The following MDFIC variants were observed in gnomAD, a reference collection of about 807,000 sequenced individuals.
MDFIC encodes MyoD family inhibitor domain containing.
MDFIC carries 17 observed loss-of-function variants against 23.2 expected under a neutral mutation model. The observed-to-expected ratio is 0.73, with a 90% CI of 0.50 to 1.10. The LOEUF is 1.10. Ranked by LOEUF, MDFIC falls within the 50% of genes least tolerant of loss-of-function variation. MDFIC has a pLI of 0.00. For missense variants in MDFIC, 356 were observed against 316.6 expected, an observed-to-expected ratio of 1.12 and a Z score of -0.95; for synonymous variants, 120 against 115.2, an observed-to-expected ratio of 1.04 and a Z score of -0.27.
At chr7:114,982,363 G>A (rs751459930) in intron 4 of MDFIC, among the ~76,000 whole-genome samples, 19 of 152,110 alleles carry the variant, frequency 1.2e-4, no homozygotes, top group Non-Finnish European at 2.8e-4. Flanking sequence ...GTGGCTAGGT[G>A]TCTTAGTCTA....
chr7:115,014,612 T>A, intron 4 of MDFIC: 3 of 1,045,778 alleles, frequency 2.9e-6, no homozygotes, highest in Non-Finnish European at 2.4e-6. Flanking sequence ...TTATACAAAG[T>A]ACAAAAACAA....
rs1236274710 is a variant in MDFIC, at chr7:115,019,122, A to C, written c.*3187A>C. On this transcript the variant is annotated 3_prime_UTR_variant, in exon 5 of 5. Coordinates refer to ENST00000393486, the MANE Select transcript of MDFIC (RefSeq NM_001166345.3). ...ACAATATATGCTGAGATTAAAAACC[A>C]AGGTAAAAATGATCAAACATATATG... 6.6e-6 allele frequency: 1 copy of C among 151,978 alleles called. No individual in the cohort carries two copies. Among genetic ancestry groups the C allele is most frequent in the East Asian group, 1.9e-4 (1 of 5,198 alleles). 9.4% of individuals were successfully genotyped at this position (151,978 alleles called of 1,614,324 possible).
chr7:114,958,786 A>G (rs1348587468), intron 3 of MDFIC, among the ~76,000 whole-genome samples: 1 of 152,130 alleles, frequency 6.6e-6, no homozygotes. Flanking sequence ...TAACAAACAA[A>G]CAAACAAACA....
intron 3 of MDFIC, among the ~76,000 whole-genome samples, chr7:114,969,973 G>A (rs1313229579): frequency 1.3e-5 from 2 of 152,148 alleles, no homozygotes; most frequent in Non-Finnish European, 2.9e-5. Context: ...AAACACCTCT[G>A]GATAGGCAGA....
chr7:114,986,032 GTT>G (rs11314179), intron 4 of MDFIC, among the ~76,000 whole-genome samples: 10,583 of 138,350 alleles, frequency 0.076, 367 homozygotes, highest in South Asian at 0.15. Flanking sequence ...TACCTTTGCA[GTT>G]TTTTTTTTTT....
chr7:114,938,972 C>T (rs542057528), intron 2 of MDFIC, among the ~76,000 whole-genome samples: 5 of 152,260 alleles, frequency 3.3e-5, no homozygotes, highest in African/African-American at 1.2e-4. Flanking sequence ...GTGGCTGACT[C>T]AACCAATTGA....
intron 3 of MDFIC, among the ~76,000 whole-genome samples, chr7:114,945,911 G>A (rs1439566779): frequency 1.3e-5 from 2 of 151,972 alleles, no homozygotes; most frequent in Non-Finnish European, 2.9e-5. Flanking sequence ...ATTTCTGAAA[G>A]GTGGCTTAAA....
chr7:114,942,316 G>A lies in MDFIC; in HGVS notation c.136G>A (p.Ala46Thr). The A allele has an allele frequency of 2.5e-6, 4 of 1,587,656 alleles. No individual in the cohort carries two copies. Among genetic ancestry groups the A allele is most frequent in the African/African-American group, 1.3e-5 (1 of 74,362 alleles). ...CAATACTGAGAAAGATATAACTCAA[G>A]CTACCAATAGCCACTTCACACATGG... ...KDNTEKDITQ[A>T]TNSHFTHGEM... The change falls in exon 3 of 5, where the codon GCT (alanine) becomes ACT (threonine). Residue 46 changes from alanine to threonine, a missense_variant. Ala to Thr is a moderately conservative substitution (Grantham distance 58, BLOSUM62 0). Transcript: ENST00000393486.
intron 3 of MDFIC, among the ~76,000 whole-genome samples, chr7:114,969,497 C>A (rs1454991637): frequency 3.9e-5 from 6 of 152,108 alleles, no homozygotes; most frequent in African/African-American, 1.4e-4. Flanking sequence ...ATATAATAAT[C>A]AAGGCAAGTC....
At position 114,922,344 on chromosome 7, in the gene MDFIC, G is replaced by A; in HGVS notation, c.-400G>A. On this transcript the variant is annotated 5_prime_UTR_variant, in exon 1 of 5. Coordinates refer to ENST00000393486, the MANE Select transcript of MDFIC (RefSeq NM_001166345.3). ...GATTGTAGGAGTGGAAGAGGGGAAA[G>A]AGAGGCAGAGAGGGGGAAGGCCCCC... 1 of 1,138,144 alleles carries A rather than the reference G, an allele frequency of 8.8e-7. No homozygotes were observed. Among genetic ancestry groups the A allele is most frequent in the Non-Finnish European group, 1.1e-6 (1 of 902,134 alleles). 70.5% of individuals were successfully genotyped at this position (1,138,144 alleles called of 1,614,324 possible).
intron 4 of MDFIC, among the ~76,000 whole-genome samples, chr7:115,013,606 T>G (rs926291213): frequency 6.6e-6 from 1 of 152,228 alleles, no homozygotes; most frequent in Non-Finnish European, 1.5e-5. Flanking sequence ...ATATGGATAT[T>G]CACTTGAAGG....
intron 3 of MDFIC, among the ~76,000 whole-genome samples, chr7:114,947,444 G>A (rs1792669329): frequency 6.6e-6 from 1 of 152,164 alleles, no homozygotes; most frequent in Non-Finnish European, 1.5e-5. Flanking sequence ...CCAATCGTTT[G>A]GGTTCAAGAT....
intron 2 of MDFIC, among the ~76,000 whole-genome samples, chr7:114,937,296 A>T (rs571736515): frequency 1.3e-5 from 2 of 152,326 alleles, no homozygotes; most frequent in South Asian, 4.1e-4. Flanking sequence ...TCTGAGTAGG[A>T]CATATTGTAT....
At chr7:114,994,531 T>G (rs1006372925) in intron 4 of MDFIC, among the ~76,000 whole-genome samples, 1 of 152,214 alleles carries the variant, frequency 6.6e-6, no homozygotes, top group Non-Finnish European at 1.5e-5. Context: ...AGGAGCTCTT[T>G]TAGGGCAGGC....
At chr7:114,995,347 C>T (rs931284017) in intron 4 of MDFIC, among the ~76,000 whole-genome samples, 4 of 152,212 alleles carry the variant, frequency 2.6e-5, no homozygotes, top group South Asian at 4.1e-4. Context: ...TCTCTCAACT[C>T]GTCAAAGTCA....
intron 4 of MDFIC, among the ~76,000 whole-genome samples, chr7:115,004,059 A>T (rs1791518379): frequency 6.6e-6 from 1 of 152,230 alleles, no homozygotes; most frequent in Non-Finnish European, 1.5e-5. Context: ...TAAAAAATAC[A>T]ATAAAATATG....
chr7:114,954,920 A>G (rs1323185643), intron 3 of MDFIC, among the ~76,000 whole-genome samples: 1 of 151,546 alleles, frequency 6.6e-6, no homozygotes, highest in Admixed American at 6.6e-5. Context: ...TCCCCTCACC[A>G]CTTTCTGCCT....
chr7:114,942,575 C>G (rs1436952237), intron 3 of MDFIC, among the ~76,000 whole-genome samples, 178 bp downstream of exon 3: 1 of 152,188 alleles, frequency 6.6e-6, no homozygotes, highest in Admixed American at 6.5e-5. Context: ...ATAATGCTGT[C>G]AGTGTTGCCT....
At chr7:114,950,460 G>A (rs1330704719) in intron 3 of MDFIC, among the ~76,000 whole-genome samples, 1 of 152,080 alleles carries the variant, frequency 6.6e-6, no homozygotes, top group Non-Finnish European at 1.5e-5. Flanking sequence ...AAAATGGGTA[G>A]GGAAGGAAAT....
Sources: gnomAD v4.1 joint callset for allele counts (sites outside exome capture counted in the v4.1 genomes callset) on GRCh38, gnomAD v4.1.1 for gene constraint, MANE v1.5 for transcripts, NCBI Gene and HGNC (gene_info 2026-07-23, HGNC 2026-07-21) for gene names.